The following MORN2 variants were observed in gnomAD, a reference collection of about 807,000 sequenced individuals.
MORN2 encodes MORN repeat-containing protein 2.
In MORN2, 15 loss-of-function variants were observed where a neutral mutation model predicts 13.4. The observed-to-expected ratio is 1.12, with a 90% CI of 0.75 to 1.72. MORN2 has a LOEUF of 1.72. Among genes scored for constraint, MORN2 ranks in the 40% most tolerant of loss-of-function variants. The probability of loss-of-function intolerance (pLI) is 0.00; values close to 1 mark genes in which losing one functional copy is unlikely to be tolerated. For synonymous variants in MORN2, 46 were observed against 43.6 expected (o/e 1.06, Z -0.22); for missense variants, 168 against 134.6 (o/e 1.25, Z -1.23).
In MORN2 at chr2:38,881,563, A is replaced by G; in HGVS notation, c.338A>G (p.Asn113Ser). ...CCAAATGGGGCAAAGTATACTGGAA[A>G]TTTCAATGAAAATAGGTAAGCTTAA... Residue 113 changes from asparagine (N) to serine (S), a missense_variant, in exon 4 of 5, where the codon AAT (asparagine) becomes AGT (serine). Physicochemically the swap from Asn to Ser is conservative, Grantham distance 46 (BLOSUM62 1). Transcript: ENST00000644631. The G allele has an allele frequency of 1.3e-6, 2 of 1,515,724 alleles. No individual in the cohort carries two copies. Among genetic ancestry groups the G allele is most frequent in the Non-Finnish European group, 1.8e-6 (2 of 1,135,998 alleles). 93.9% of individuals were successfully genotyped at this position (1,515,724 alleles called of 1,614,324 possible).
intron 1 of MORN2, 125 bp from the exon 2 acceptor site, chr2:38,880,054 G>C: frequency 2.6e-6 from 1 of 378,222 alleles, no homozygotes; most frequent in East Asian, 3.7e-5. Flanking sequence ...AGCACTTTGG[G>C]AGGCTGAGGC....
At chr2:38,879,949 C>T (rs940983222) in intron 1 of MORN2, among the ~76,000 whole-genome samples, 1 of 152,002 alleles carries the variant, frequency 6.6e-6, no homozygotes, top group Non-Finnish European at 1.5e-5. Flanking sequence ...AGAAGTAAGT[C>T]CATTTGGATA....
intron 1 of MORN2, among the ~76,000 whole-genome samples, chr2:38,876,710 G>C (rs1482303315): frequency 6.6e-6 from 1 of 152,206 alleles, no homozygotes; most frequent in African/African-American, 2.4e-5. Context: ...TCCTGAAGGA[G>C]TCTGAGGTTG....
At chr2:38,879,426 G>A (rs1172843535) in intron 1 of MORN2, among the ~76,000 whole-genome samples, 2 of 152,038 alleles carry the variant, frequency 1.3e-5, no homozygotes, top group African/African-American at 4.8e-5. Context: ...TGCTGTTTCT[G>A]TACAACATAT....
chr2:38,880,794 C>T, intron 3 of MORN2, 88 bp downstream of exon 3: 1 of 1,392,424 alleles, frequency 7.2e-7, no homozygotes, highest in Non-Finnish European at 9.8e-7. Context: ...TCAAAAACTC[C>T]TATAATGAGT....
In MORN2 at chr2:38,881,465, G is replaced by T. The variant is rs1665775802; in HGVS notation, c.240G>T (p.Glu80Asp). The change falls in exon 4 of 5, where the codon GAG (glutamate) becomes GAT (aspartate). Residue 80 changes from glutamate to aspartate, a missense_variant. By Grantham distance (45) the Glu-to-Asp change is conservative. Transcript: ENST00000644631. ...AGATGAATGGTTTTGGAAGACTTGA[G>T]CATTTTTCAGGAGCAGTATATGAAG... 20 of 1,538,270 alleles carry T rather than the reference G, an allele frequency of 1.3e-5. No homozygotes were observed. The highest frequency in any genetic ancestry group is 1.7e-5 in the Non-Finnish European group (20 of 1,143,066).
At position 38,880,189 on chromosome 2, in the gene MORN2, G is replaced by A. The variant is rs566362830; in HGVS notation, c.69G>A (p.Val23=). 80 of 398,862 alleles carry A rather than the reference G, an allele frequency of 2.0e-4. No homozygotes were observed. Among genetic ancestry groups the A allele is most frequent in the Non-Finnish European group, 3.2e-4 (72 of 226,078 alleles). The allele number at this position is 398,862 out of a possible 1,614,324, so 24.7% of individuals were successfully genotyped here. The change falls in exon 2 of 5, where the codon GTG becomes GTA. Residue 23 remains valine, a synonymous_variant. Coordinates refer to ENST00000644631, the MANE Select transcript of MORN2 (RefSeq NM_001145450.3). ...AATCTTTTAAAACAGCTTCAGAAGT[G>A]TATAAGATCAGCTTTATCTTTCCAA...
At chr2:38,880,506 C>CT in intron 2 of MORN2, 94 bp from the exon 3 acceptor site, 1 of 644,776 alleles carries the variant, frequency 1.6e-6, no homozygotes, top group Non-Finnish European at 2.4e-6. Flanking sequence ...GGTTTCAGTG[C>CT]TAGGGAGCCA....
At chr2:38,878,503 C>T (rs1357213617) in intron 1 of MORN2, among the ~76,000 whole-genome samples, 1 of 152,006 alleles carries the variant, frequency 6.6e-6, no homozygotes, top group South Asian at 2.1e-4. Flanking sequence ...TTTTAAAATT[C>T]TTTGTGCTAC....
intron 1 of MORN2, among the ~76,000 whole-genome samples, chr2:38,878,594 C>G (rs6744514): frequency 0.6 from 90,971 of 151,948 alleles, 29,399 homozygotes; most frequent in East Asian, 0.82. Flanking sequence ...CATTTTTCAA[C>G]CTAATGTTCC....
chr2:38,882,076 A>G (rs1006487729), intron 4 of MORN2, among the ~76,000 whole-genome samples: 1 of 152,238 alleles, frequency 6.6e-6, no homozygotes. Flanking sequence ...TATTTGTTGA[A>G]TAAGTGAAGT....
chr2:38,878,673 A>G (rs1389657324), intron 1 of MORN2, among the ~76,000 whole-genome samples: 1 of 151,946 alleles, frequency 6.6e-6, no homozygotes, highest in Non-Finnish European at 1.5e-5. Context: ...TTATTTCACC[A>G]ATTATATTAT....
chr2:38,881,419 G>T lies in MORN2; in HGVS notation c.217-23G>T. 4.6e-6 allele frequency: 7 copies of T among 1,521,122 alleles called. No homozygotes were observed. In the East Asian group the frequency reaches 1.5e-4, roughly 33 times the overall value. 94.2% of individuals were successfully genotyped at this position (1,521,122 alleles called of 1,614,324 possible). On this transcript the variant is annotated intron_variant, in intron 3 of 4. Transcript: ENST00000644631. ...GGGAAACTGAAGATTAGTTTCTAAG[G>T]TAATTTCCTTTGTTACAAACAGATG...
chr2:38,881,410 G>T (rs1343815148), intron 3 of MORN2, 32 bp from the exon 4 acceptor site: 2 of 1,513,488 alleles, frequency 1.3e-6, no homozygotes, highest in South Asian at 1.3e-5. Context: ...CTGAAGATTA[G>T]TTTCTAAGGT....
intron 1 of MORN2, among the ~76,000 whole-genome samples, chr2:38,878,764 T>C (rs1437917318): frequency 6.6e-6 from 1 of 152,200 alleles, no homozygotes; most frequent in Non-Finnish European, 1.5e-5. Context: ...TCTCCCTTTC[T>C]CTCTGAGGAT....
chr2:38,876,163 A>G (rs1475564008), intron 1 of MORN2, 53 bp downstream of exon 1: 1 of 398,574 alleles, frequency 2.5e-6, no homozygotes, highest in African/African-American at 2.1e-5. Context: ...CTTTAAGTCG[A>G]ACTAGCGTGG....
intron 3 of MORN2, 128 bp from the exon 4 acceptor site, chr2:38,881,313 GA>G: frequency 1.3e-6 from 1 of 754,872 alleles, no homozygotes; most frequent in South Asian, 2.0e-5. Context: ...TTATACTATG[GA>G]AATAAAGGAC....
In MORN2 at chr2:38,880,240, G is replaced by C. The variant is rs1019463285; in HGVS notation, c.109+11G>C. ...ATGGAGACAAGTATGGTAAGTATAC[G>C]CTTCAATTACTTTTTCTGTATAGAA... On this transcript the variant is annotated intron_variant, in intron 2 of 4. Coordinates refer to ENST00000644631, the MANE Select transcript of MORN2 (RefSeq NM_001145450.3). The C allele has an allele frequency of 2.5e-6, 1 of 399,096 alleles. No homozygotes were observed. The highest frequency in any genetic ancestry group is 2.1e-5 in the African/African-American group (1 of 48,616). 24.7% of individuals were successfully genotyped at this position (399,096 alleles called of 1,614,324 possible).
Position 38,876,106 on chromosome 2 carries a change from G to A in MORN2, c.54G>A (p.Arg18=), listed in dbSNP as rs1444873937. ...TGGAAGATCTCTCTAACACCTCTCGGCCAAGTGAGTGTCCCTCCTCCTAAC... is the reference window on the plus strand; with the variant it reads ...TGGAAGATCTCTCTAACACCTCTCGACCAAGTGAGTGTCCCTCCTCCTAAC... The change falls in exon 1 of 5, where the codon CGG becomes CGA. Residue 18 remains arginine (R), a synonymous_variant. Transcript: ENST00000644631. 2.5e-6 allele frequency: 1 copy of A among 398,590 alleles called. No individual in the cohort carries two copies. The highest frequency in any genetic ancestry group is 3.6e-5 in the East Asian group (1 of 28,080). The allele number at this position is 398,590 out of a possible 1,614,324, so 24.7% of individuals were successfully genotyped here.
Sources: gnomAD v4.1 joint callset for allele counts (sites outside exome capture counted in the v4.1 genomes callset) on GRCh38, gnomAD v4.1.1 for gene constraint, MANE v1.5 for transcripts, NCBI Gene and HGNC (gene_info 2026-07-23, HGNC 2026-07-21) for gene names.